The following AGMO variants were observed in gnomAD, a reference collection of about 807,000 sequenced individuals.
The protein encoded by AGMO is glyceryl-ether monooxygenase.
Under a neutral mutation model 60.2 loss-of-function variants are expected in AGMO, and 75 were observed. The observed-to-expected ratio is 1.25, with a 90% CI of 1.03 to 1.51. The LOEUF (loss-of-function observed/expected upper bound fraction) is 1.51. AGMO is among the 40% of genes most tolerant of loss of function. The pLI is 0.00. For missense variants in AGMO, 763 were observed against 525.5 expected (o/e 1.45, Z -4.42); for synonymous variants, 261 against 177.1 (o/e 1.47, Z -3.76).
intron 12 of AGMO, among the ~76,000 whole-genome samples, chr7:15,333,557 C>G (rs192951939): frequency 6.7e-6 from 1 of 148,738 alleles, no homozygotes; most frequent in Non-Finnish European, 1.5e-5. Flanking sequence ...TAATGTATAC[C>G]CTTTGGATTA....
chr7:15,246,872 A>T (rs190079024), intron 12 of AGMO, among the ~76,000 whole-genome samples: 1 of 152,252 alleles, frequency 6.6e-6, no homozygotes, highest in African/African-American at 2.4e-5. Context: ...CTGGCTTCCC[A>T]TTGAACCTCA....
At chr7:15,342,933 G>A (rs1563098053) in intron 12 of AGMO, among the ~76,000 whole-genome samples, 1 of 152,030 alleles carries the variant, frequency 6.6e-6, no homozygotes, top group Non-Finnish European at 1.5e-5. Context: ...TTCTCTGTGA[G>A]GAGTAAATGA....
At chr7:15,188,451 A>G in the AGMO span, among the ~76,000 whole-genome samples, 3 of 152,222 alleles carry the variant, frequency 2.0e-5, no homozygotes, top group African/African-American at 4.8e-5. Flanking sequence ...TAATATGTCC[A>G]TTACCATACT....
the AGMO span, among the ~76,000 whole-genome samples, chr7:15,140,722 G>C: frequency 1.3e-5 from 2 of 151,838 alleles, no homozygotes; most frequent in Non-Finnish European, 2.9e-5. Context: ...CATTCTTAAA[G>C]TTTATTTTGG....
rs114814337 is a variant in AGMO, at chr7:15,358,140, C to A, written c.1263+7374G>T. 1,013 of 179,416 alleles carry A rather than the reference C, an allele frequency of 5.6e-3. 11 individuals are homozygous for A. The highest frequency in any genetic ancestry group is 0.022 in the African/African-American group (926 of 41,948). 11.1% of individuals were successfully genotyped at this position (179,416 alleles called of 1,614,324 possible). A position where few individuals can be genotyped will look rare whatever the true frequency, so the allele number is the denominator to read the frequency against. Reference sequence around the variant, plus strand: ...TTTTGAAGTCAATGAACATTTAATTCACCATTCTATTTAAGAGTTGAAATT... The same window carrying A: ...TTTTGAAGTCAATGAACATTTAATTAACCATTCTATTTAAGAGTTGAAATT... On this transcript the variant is annotated intron_variant, in intron 12 of 12. Coordinates refer to ENST00000342526, the MANE Select transcript of AGMO (RefSeq NM_001004320.2).
At chr7:15,515,701 T>G (rs1181159651) in intron 3 of AGMO, among the ~76,000 whole-genome samples, 2 of 152,240 alleles carry the variant, frequency 1.3e-5, no homozygotes, top group Non-Finnish European at 2.9e-5. Context: ...TTTTAAGATA[T>G]TATTCATAAT....
At chr7:15,150,627 C>A in the AGMO span, among the ~76,000 whole-genome samples, 1 of 151,754 alleles carries the variant, frequency 6.6e-6, no homozygotes, top group Non-Finnish European at 1.5e-5. Flanking sequence ...TACATTGAAA[C>A]AACCTTGCAT....
At chr7:15,387,567 T>G (rs1331611163) in intron 8 of AGMO, 27 bp from the exon 9 acceptor site, 1 of 1,574,492 alleles carries the variant, frequency 6.4e-7, no homozygotes, top group African/African-American at 1.4e-5. Flanking sequence ...AAGAGCTTAT[T>G]TCACATAAGA....
intron 12 of AGMO, among the ~76,000 whole-genome samples, chr7:15,212,326 T>C (rs1376804879): frequency 6.6e-6 from 1 of 151,582 alleles, no homozygotes; most frequent in Non-Finnish European, 1.5e-5. Context: ...AATGGTTGTA[T>C]AAAAAGAATT....
intron 1 of AGMO, 124 bp from the exon 2 acceptor site, chr7:15,560,395 C>G: frequency 4.1e-6 from 4 of 975,422 alleles, no homozygotes; most frequent in Non-Finnish European, 5.8e-6. Flanking sequence ...AGATGGTAGA[C>G]ACTCATTTTA....
chr7:15,541,162 C>A (rs150825532), intron 3 of AGMO, among the ~76,000 whole-genome samples: 2 of 151,938 alleles, frequency 1.3e-5, no homozygotes, highest in African/African-American at 2.4e-5. Context: ...CGCTCTGTCA[C>A]CCCAGGCTGG....
chr7:15,201,839 T>C (rs1479990951), intron 12 of AGMO, among the ~76,000 whole-genome samples: 1 of 152,222 alleles, frequency 6.6e-6, no homozygotes, highest in African/African-American at 2.4e-5. Context: ...ACACTGCTGA[T>C]GATTTACCTC....
chr7:15,296,809 G>C (rs1446881669), intron 12 of AGMO, among the ~76,000 whole-genome samples: 1 of 152,106 alleles, frequency 6.6e-6, no homozygotes, highest in African/African-American at 2.4e-5. Context: ...ACTTGCTGCA[G>C]TAACACAACT....
At chr7:15,150,355 T>G in the AGMO span, among the ~76,000 whole-genome samples, 3 of 152,156 alleles carry the variant, frequency 2.0e-5, no homozygotes, top group South Asian at 6.2e-4. Context: ...GAATGAATGC[T>G]GAGAAGGCAC....
chr7:15,361,167 A>C (rs920029656), intron 12 of AGMO, among the ~76,000 whole-genome samples: 3 of 152,102 alleles, frequency 2.0e-5, no homozygotes, highest in Non-Finnish European at 4.4e-5. Context: ...TGTCATCAGC[A>C]CAATGGTGTC....
At chr7:15,395,093 A>C (rs1033510988) in intron 5 of AGMO, among the ~76,000 whole-genome samples, 1 of 152,244 alleles carries the variant, frequency 6.6e-6, no homozygotes, top group African/African-American at 2.4e-5. Context: ...GCAGATACCA[A>C]GATATTTTAC....
chr7:15,293,096 T>C (rs1784320220), intron 12 of AGMO, among the ~76,000 whole-genome samples: 1 of 152,224 alleles, frequency 6.6e-6, no homozygotes, highest in Non-Finnish European at 1.5e-5. Context: ...GTTTATTATT[T>C]AGCTTCAACA....
intron 12 of AGMO, among the ~76,000 whole-genome samples, chr7:15,299,597 G>A (rs1026452964): frequency 4.6e-5 from 7 of 152,172 alleles, no homozygotes; most frequent in East Asian, 3.9e-4. Context: ...AGGCCAAGGC[G>A]GGCAGATTGC....
intron 3 of AGMO, among the ~76,000 whole-genome samples, chr7:15,443,649 A>C (rs1188983270): frequency 1.3e-5 from 2 of 152,134 alleles, no homozygotes; most frequent in African/African-American, 4.8e-5. Context: ...TGCACTCAAA[A>C]TCTAGTGCAG....
Sources: gnomAD v4.1 joint callset for allele counts (sites outside exome capture counted in the v4.1 genomes callset) on GRCh38, gnomAD v4.1.1 for gene constraint, MANE v1.5 for transcripts, NCBI Gene and HGNC (gene_info 2026-07-23, HGNC 2026-07-21) for gene names.